The following ZC3H14 variants were observed in gnomAD, a reference collection of about 807,000 sequenced individuals.
ZC3H14 encodes zinc finger CCCH domain-containing protein 14.
In ZC3H14, 31 loss-of-function variants were observed where a neutral mutation model predicts 92.4. That is an observed-to-expected ratio of 0.34 (90% CI 0.25 to 0.45). The LOEUF is 0.45. ZC3H14 is among the 20% of genes least tolerant of loss of function. ZC3H14 has a pLI of 1.00. For missense variants in ZC3H14, 781 were observed against 897.3 expected, an observed-to-expected ratio of 0.87 and a Z score of 1.66; for synonymous variants, 321 against 300.9, an observed-to-expected ratio of 1.07 and a Z score of -0.69.
rs1402233834 is a variant in ZC3H14, at chr14:88,574,755, C to G, written c.924C>G (p.Phe308Leu). Residue 308 changes from phenylalanine to leucine, a missense_variant, in exon 7 of 17, where the codon TTC becomes TTG. Phe to Leu is a conservative substitution (Grantham distance 22). Around this residue, in one of 3 missense-constraint regions of ZC3H14, gnomAD observed 454 missense variants for 438.5 expected, o/e 1.04. Transcript: ENST00000251038. Reference protein sequence around the residue: ...VVSSVVKVKKFNHDGEEEEED... With the variant: ...VVSSVVKVKKLNHDGEEEEED... ...GTTCAGTTGTTAAAGTAAAAAAATT[C>G]AATCATGATGGAGAAGAGGAGGAAG... The G allele has an allele frequency of 2.5e-6, 4 of 1,613,998 alleles. No homozygotes were observed. The highest frequency in any genetic ancestry group is 4.5e-5 in the East Asian group (2 of 44,868).
rs1268583818 is a variant in ZC3H14, at chr14:88,618,153, C to CT, written c.*6403dup. ...ATTACTATTCCTTATTGGAATGGCTCTAACAGTTCAGAAATAGGATTTTCT... is the reference window on the plus strand; with the variant it reads ...ATTACTATTCCTTATTGGAATGGCTCTTAACAGTTCAGAAATAGGATTTTCT... On this transcript the variant is annotated 3_prime_UTR_variant, in exon 17 of 17. Transcript: ENST00000251038. 7.8e-7 allele frequency: 1 copy of CT among 1,278,926 alleles called. No homozygotes were observed. Among genetic ancestry groups the CT allele is most frequent in the Non-Finnish European group, 1.1e-6 (1 of 893,514 alleles). 79.2% of individuals were successfully genotyped at this position (1,278,926 alleles called of 1,614,324 possible). A position where few individuals can be genotyped will look rare whatever the true frequency, so the allele number is the denominator to read the frequency against.
intron 12 of ZC3H14, among the ~76,000 whole-genome samples, chr14:88,604,857 G>A (rs966289931): frequency 2.6e-5 from 4 of 152,110 alleles, no homozygotes; most frequent in Admixed American, 6.5e-5. Context: ...GCCTCCCAAA[G>A]TTCTGGGATT....
intron 9 of ZC3H14, among the ~76,000 whole-genome samples, chr14:88,584,950 A>T (rs1210517245): frequency 1.3e-5 from 2 of 148,840 alleles, no homozygotes; most frequent in Non-Finnish European, 3.0e-5. Context: ...AACCATGGTT[A>T]AAAAAAAAAG....
rs2089651517 is a variant in ZC3H14, at chr14:88,624,724, T to C, written c.*12973T>C. The C allele has an allele frequency of 2.2e-6, 1 of 447,462 alleles. No individual in the cohort carries two copies. Among genetic ancestry groups the C allele is most frequent in the East Asian group, 4.3e-5 (1 of 23,480 alleles). The allele number at this position is 447,462 out of a possible 1,614,324, so 27.7% of individuals were successfully genotyped here. On this transcript the variant is annotated 3_prime_UTR_variant, in exon 17 of 17. Transcript: ENST00000251038. ...AGACATTAAGAAAAGTAACTCAACT[T>C]GTAGGACAACTACCTATCCACACCT...
At position 88,572,198 on chromosome 14, in the gene ZC3H14, C is replaced by T. The variant is rs770774302; in HGVS notation, c.404C>T (p.Ser135Leu). ...AGAGATTCCAGAGTTTCTACAAGTT[C>T]GCAGGAGTCAAAAACCACAAATGTC... ...EKRDSRVSTSSQESKTTNVRQ... is the reference protein window; with the variant it reads ...EKRDSRVSTSLQESKTTNVRQ... The change falls in exon 5 of 17, where the codon TCG becomes TTG. Residue 135 changes from serine to leucine, a missense_variant. Physicochemically the swap from Ser to Leu is moderately radical, Grantham distance 145. Coordinates refer to ENST00000251038, the MANE Select transcript of ZC3H14 (RefSeq NM_024824.5). 17 of 1,613,912 alleles carry T rather than the reference C, an allele frequency of 1.1e-5. No homozygotes were observed. Among genetic ancestry groups the T allele is most frequent in the Non-Finnish European group, 3.4e-6 (4 of 1,180,022 alleles).
intron 6 of ZC3H14, 57 bp downstream of exon 6, chr14:88,573,064 A>G: frequency 6.4e-7 from 1 of 1,573,490 alleles, no homozygotes; most frequent in South Asian, 1.1e-5. Context: ...TCTTGATACC[A>G]AATAATATAT....
chr14:88,572,288 T>C, intron 5 of ZC3H14, 63 bp downstream of exon 5: 1 of 1,551,506 alleles, frequency 6.4e-7, no homozygotes, highest in South Asian at 1.2e-5. Flanking sequence ...TTTATATTAG[T>C]TTTTATATCT....
At chr14:88,578,238 A>AAAATATTAC in intron 9 of ZC3H14, 98 bp downstream of exon 9, 1 of 1,467,398 alleles carries the variant, frequency 6.8e-7, no homozygotes, top group Non-Finnish European at 9.4e-7. Context: ...ACTATGAAAA[A>AAAATATTAC]AGTGATGATT....
chr14:88,594,634 C>T (rs1239020277), intron 9 of ZC3H14: 33 of 1,603,692 alleles, frequency 2.1e-5, no homozygotes, highest in Middle Eastern at 1.7e-4. Context: ...CTTTTACTTT[C>T]GATGAAATAA....
intron 6 of ZC3H14, chr14:88,574,241 GTATT>G (rs113520460): frequency 0.047 from 7,390 of 158,542 alleles, 207 homozygotes; most frequent in Middle Eastern, 0.095. Context: ...TATATTTATA[GTATT>G]TATTTATTTA....
In ZC3H14 at chr14:88,617,854, T is replaced by A. The variant is rs1426132971; in HGVS notation, c.*6103T>A. 6.4e-6 allele frequency: 1 copy of A among 156,430 alleles called. No homozygotes were observed. The highest frequency in any genetic ancestry group is 1.9e-4 in the East Asian group (1 of 5,386). The allele number at this position is 156,430 out of a possible 1,614,324, so 9.7% of individuals were successfully genotyped here. A position where few individuals can be genotyped will look rare whatever the true frequency, so the allele number is the denominator to read the frequency against. ...ATACAGCCAGGAAATTTGAACAAAT[T>A]TGGAAGCTTTGACTTCTAATAGATT... On this transcript the variant is annotated 3_prime_UTR_variant, in exon 17 of 17. Coordinates refer to ENST00000251038, the MANE Select transcript of ZC3H14 (RefSeq NM_024824.5).
intron 3 of ZC3H14, 69 bp from the exon 4 acceptor site, chr14:88,571,015 T>C (rs1228135638): frequency 1.6e-6 from 2 of 1,260,038 alleles, no homozygotes; most frequent in South Asian, 1.8e-5. Context: ...GTCATAAATT[T>C]AGAGTGACAG....
At chr14:88,602,635 CT>C (rs2084808608) in intron 11 of ZC3H14, among the ~76,000 whole-genome samples, 192 bp from the exon 12 acceptor site, 1 of 152,196 alleles carries the variant, frequency 6.6e-6, no homozygotes, top group South Asian at 2.1e-4. Flanking sequence ...GGTGATGCCA[CT>C]GTGACTGTTC....
chr14:88,590,144 CAAAA>C (rs1396399760), intron 9 of ZC3H14: 3 of 150,606 alleles, frequency 2.0e-5, no homozygotes, highest in African/African-American at 4.9e-5. Flanking sequence ...AAAAAAAAGG[CAAAA>C]AAAAGTCACC....
intron 1 of ZC3H14, 170 bp downstream of exon 1, chr14:88,563,339 T>A: frequency 6.7e-7 from 1 of 1,485,088 alleles, no homozygotes; most frequent in Non-Finnish European, 8.9e-7. Context: ...TGGGGACATT[T>A]GCGGCCTCGG....
rs186251671 is a variant in ZC3H14 at position 88,624,841 on chromosome 14, G to A, written c.*13090G>A. Reference sequence around the variant, plus strand: ...TAGAAGGCACATAAAAGGTAATAAAGGAGAAGCATATGAGGAGGAAGGTCG... The same window carrying A: ...TAGAAGGCACATAAAAGGTAATAAAAGAGAAGCATATGAGGAGGAAGGTCG... On this transcript the variant is annotated 3_prime_UTR_variant, in exon 17 of 17. Transcript: ENST00000251038. 14 of 987,516 alleles carry A rather than the reference G, an allele frequency of 1.4e-5. No homozygotes were observed. Among genetic ancestry groups the A allele is most frequent in the African/African-American group, 1.3e-4 (8 of 59,766 alleles). The allele number at this position is 987,516 out of a possible 1,614,324, so 61.2% of individuals were successfully genotyped here. A position where few individuals can be genotyped will look rare whatever the true frequency, so the allele number is the denominator to read the frequency against.
intron 11 of ZC3H14, among the ~76,000 whole-genome samples, chr14:88,602,470 C>T (rs780131218): frequency 1.2e-4 from 19 of 152,166 alleles, no homozygotes; most frequent in Non-Finnish European, 2.5e-4. Context: ...AAGAAACATA[C>T]AGATAATTAG....
chr14:88,618,984 A>C lies in ZC3H14; in HGVS notation c.*7233A>C. 2 of 500,792 alleles carry C rather than the reference A, an allele frequency of 4.0e-6. No homozygotes were observed. 31.0% of individuals were successfully genotyped at this position (500,792 alleles called of 1,614,324 possible). On this transcript the variant is annotated 3_prime_UTR_variant, in exon 17 of 17. Transcript: ENST00000251038. ...TACTGAGATTGTCTGGGTTACATGA[A>C]ATAAGGAAGCTTTATATTTTACTTA...
chr14:88,563,296 T>G, intron 1 of ZC3H14, 127 bp downstream of exon 1: 1 of 1,529,818 alleles, frequency 6.5e-7, no homozygotes, highest in Non-Finnish European at 8.8e-7. Context: ...CCTGGCGGGC[T>G]GCGGCTCCTC....
Sources: allele counts gnomAD v4.1 joint callset (sites outside exome capture counted in the v4.1 genomes callset), GRCh38; gene constraint gnomAD v4.1.1; regional missense constraint gnomAD v4.1.1; transcripts MANE v1.5; gene names NCBI Gene and HGNC (gene_info 2026-07-23, HGNC 2026-07-21).